Variants in ITGB8 observed in about 807,000 individuals in gnomAD.
The protein encoded by ITGB8 is integrin beta-8.
A neutral mutation model predicts 89.5 loss-of-function variants in ITGB8; 30 were observed. That is an observed-to-expected ratio of 0.34 (90% CI 0.25 to 0.45). The LOEUF (loss-of-function observed/expected upper bound fraction) is 0.45, where lower values mean the gene tolerates loss of function less well. Ranked by LOEUF, ITGB8 falls within the 20% of genes least tolerant of loss-of-function variation. The pLI is 1.00. For synonymous variants in ITGB8, 335 were observed against 320.4 expected, an observed-to-expected ratio of 1.05 and a Z score of -0.49; for missense variants, 836 against 933.3, an observed-to-expected ratio of 0.90 and a Z score of 1.36.
chr7:20,395,563 A>AT (rs1465538260), intron 8 of ITGB8, among the ~76,000 whole-genome samples: 1 of 152,214 alleles, frequency 6.6e-6, no homozygotes, highest in Non-Finnish European at 1.5e-5. Flanking sequence ...ATGAAGAGTG[A>AT]ATGCCTCAAT....
intron 1 of ITGB8, among the ~76,000 whole-genome samples, chr7:20,355,148 C>A (rs1333350737): frequency 6.6e-6 from 1 of 152,160 alleles, no homozygotes; most frequent in South Asian, 2.1e-4. Flanking sequence ...AACATCAACC[C>A]GCTCCAACCC....
intron 1 of ITGB8, among the ~76,000 whole-genome samples, chr7:20,336,622 A>G (rs76089259): frequency 0.041 from 6,231 of 152,310 alleles, 198 homozygotes; most frequent in Non-Finnish European, 0.063. Context: ...GCTTCATAAT[A>G]TGAACTTCCT....
At chr7:20,358,848 C>A (rs1785393383) in intron 1 of ITGB8, among the ~76,000 whole-genome samples, 2 of 152,108 alleles carry the variant, frequency 1.3e-5, no homozygotes. Context: ...GTTTTTCAAC[C>A]CTTGCTCCCC....
rs555769842 is a variant in ITGB8 at position 20,396,139 on chromosome 7, T to C, written c.1146+1154T>C. Among the ~76,000 whole-genome samples, 9 of 152,268 alleles carry C rather than the reference T, an allele frequency of 5.9e-5. No individual in the cohort carries two copies. In the South Asian group the frequency reaches 8.3e-4, roughly 14 times the overall value. Reference sequence around the variant, plus strand: ...AGAAAGGCAGGAAGTAGACACAATATATGAAATGAAGAACTTAGGCCGGGC... The same window carrying C: ...AGAAAGGCAGGAAGTAGACACAATACATGAAATGAAGAACTTAGGCCGGGC... On this transcript the variant is annotated intron_variant, in intron 8 of 13. Transcript: ENST00000222573.
intron 1 of ITGB8, among the ~76,000 whole-genome samples, chr7:20,354,923 C>A (rs1785239281): frequency 6.6e-6 from 1 of 152,156 alleles, no homozygotes. Flanking sequence ...GGCAGGCAAA[C>A]AGCAATCTGT....
chr7:20,350,051 C>T (rs999070815), intron 1 of ITGB8, among the ~76,000 whole-genome samples: 1 of 152,178 alleles, frequency 6.6e-6, no homozygotes, highest in Non-Finnish European at 1.5e-5. Flanking sequence ...AATAATCAGT[C>T]TGCATTATTG....
intron 10 of ITGB8, among the ~76,000 whole-genome samples, chr7:20,404,074 T>C (rs1486629772): frequency 6.6e-6 from 1 of 152,194 alleles, no homozygotes; most frequent in Non-Finnish European, 1.5e-5. Context: ...ACTTACTAAA[T>C]AGTGCACTGA....
intron 7 of ITGB8, among the ~76,000 whole-genome samples, chr7:20,394,638 T>C (rs1425869333): frequency 6.6e-6 from 1 of 152,218 alleles, no homozygotes; most frequent in African/African-American, 2.4e-5. Flanking sequence ...TGCATTTCGA[T>C]TGGATTTTTA....
chr7:20,363,371 A>G (rs1785576025), intron 1 of ITGB8, among the ~76,000 whole-genome samples: 2 of 152,262 alleles, frequency 1.3e-5, no homozygotes, highest in East Asian at 3.9e-4. Context: ...CAGACCCCCA[A>G]ACCTGACCAA....
At chr7:20,362,171 C>A (rs372384692) in intron 1 of ITGB8, among the ~76,000 whole-genome samples, 1 of 152,148 alleles carries the variant, frequency 6.6e-6, no homozygotes, top group Non-Finnish European at 1.5e-5. Flanking sequence ...CCTCTCATCC[C>A]CTTCCACCTC....
intron 1 of ITGB8, among the ~76,000 whole-genome samples, chr7:20,357,803 C>T (rs1276937567): frequency 6.6e-6 from 1 of 152,166 alleles, no homozygotes. Context: ...CTGTTGTCAA[C>T]AGTTGTAAGA....
intron 1 of ITGB8, among the ~76,000 whole-genome samples, chr7:20,356,992 T>C (rs1785317728): frequency 6.6e-6 from 1 of 152,214 alleles, no homozygotes; most frequent in Admixed American, 6.5e-5. Context: ...CCTAAGTGGG[T>C]GTCATGAATA....
At chr7:20,376,406 T>G (rs1377914430) in intron 3 of ITGB8, among the ~76,000 whole-genome samples, 1 of 152,166 alleles carries the variant, frequency 6.6e-6, no homozygotes, top group Admixed American at 6.6e-5. Flanking sequence ...TCCAAAATAG[T>G]TTATAAGTGG....
chr7:20,406,366 C>T (rs1002225745), intron 12 of ITGB8, among the ~76,000 whole-genome samples, 195 bp downstream of exon 12: 2 of 152,110 alleles, frequency 1.3e-5, no homozygotes, highest in African/African-American at 2.4e-5. Flanking sequence ...GCCTGGCCAA[C>T]GTGGTGAAAC....
chr7:20,391,969 A>C (rs938381361), intron 7 of ITGB8, among the ~76,000 whole-genome samples: 2 of 152,156 alleles, frequency 1.3e-5, no homozygotes, highest in African/African-American at 4.8e-5. Context: ...TAACGGACCA[A>C]AAGGGGCCAT....
At chr7:20,408,611 A>G (rs1185319821) in intron 12 of ITGB8, among the ~76,000 whole-genome samples, 1 of 152,082 alleles carries the variant, frequency 6.6e-6, no homozygotes, top group Non-Finnish European at 1.5e-5. Flanking sequence ...CAAACTCTGG[A>G]GAGTAGGGAG....
intron 4 of ITGB8, chr7:20,379,771 A>C (rs1367325038): frequency 6.6e-6 from 1 of 152,222 alleles, no homozygotes. Flanking sequence ...ATGTGACTAC[A>C]AAGAAATCTC....
chr7:20,373,850 G>T lies in ITGB8; in HGVS notation c.389-5201G>T, dbSNP rs191313056. The stretch of plus-strand genomic sequence containing the variant: ...TCATTTTTTTACTTATCTTTTCCTA[G>T]TGTGCAGTCATGTTCGTTGTGCCCA... On this transcript the variant is annotated intron_variant, in intron 3 of 13. Coordinates refer to ENST00000222573, the MANE Select transcript of ITGB8 (RefSeq NM_002214.3). 3.8e-4 allele frequency among the ~76,000 whole-genome samples: 58 copies of T among 152,142 alleles called. No individual in the cohort carries two copies. In the East Asian group the frequency reaches 0.01, roughly 26 times the overall value.
chr7:20,370,204 A>G (rs967364097), intron 3 of ITGB8, among the ~76,000 whole-genome samples: 55 of 151,922 alleles, frequency 3.6e-4, no homozygotes, highest in African/African-American at 1.2e-3. Context: ...ATTGTTGGCA[A>G]ATCTAATTAA....
Sources: allele counts gnomAD v4.1 joint callset (sites outside exome capture counted in the v4.1 genomes callset), GRCh38; gene constraint gnomAD v4.1.1; transcripts MANE v1.5; gene names NCBI Gene and HGNC (gene_info 2026-07-23, HGNC 2026-07-21).